The following PPM1L variants were observed in gnomAD, a reference collection of about 807,000 sequenced individuals.
PPM1L encodes the protein protein phosphatase, Mg2+/Mn2+ dependent 1L, also known as protein phosphatase 1L.
Under a neutral mutation model 31.4 loss-of-function variants are expected in PPM1L, and 13 were observed. That is an observed-to-expected ratio of 0.41 (90% CI 0.27 to 0.66). PPM1L has a LOEUF of 0.66. PPM1L is among the 30% of genes least tolerant of loss of function. PPM1L has a pLI of 0.29. For synonymous variants in PPM1L, 184 were observed against 175.4 expected (o/e 1.05, Z -0.39); for missense variants, 326 against 453.7 (o/e 0.72, Z 2.56).
At chr3:161,051,994 T>C (rs1444172874) in intron 2 of PPM1L, among the ~76,000 whole-genome samples, 1 of 152,178 alleles carries the variant, frequency 6.6e-6, no homozygotes, top group Non-Finnish European at 1.5e-5. Flanking sequence ...GTTATTGACC[T>C]GGCATCTGCG....
intron 2 of PPM1L, among the ~76,000 whole-genome samples, chr3:160,964,715 C>T (rs1716077851): frequency 6.6e-6 from 1 of 152,012 alleles, no homozygotes; most frequent in Non-Finnish European, 1.5e-5. Context: ...AACACCCGCT[C>T]TGAGCTCAGT....
Position 160,961,916 on chromosome 3 carries a change from T to C in PPM1L, c.574+6T>C. 1 of 1,541,606 alleles carries C rather than the reference T, an allele frequency of 6.5e-7. No homozygotes were observed. Among genetic ancestry groups the C allele is most frequent in the Non-Finnish European group, 8.7e-7 (1 of 1,150,910 alleles). ...TGTATCCTATGATGAAGCAGGTATG[T>C]TTGTTTTTAAAACACACATTTTTTT... On this transcript the variant is annotated splice_donor_region_variant and intron_variant, in intron 2 of 3. Transcript: ENST00000498165.
At position 160,961,785 on chromosome 3, in the gene PPM1L, A is replaced by G. The variant is rs1397736657; in HGVS notation, c.449A>G (p.His150Arg). The change falls in exon 2 of 4, where the codon CAT becomes CGT. Residue 150 changes from histidine (H) to arginine (R), a missense_variant. By Grantham distance (29) the His-to-Arg change is conservative. Around this residue, in one of 3 missense-constraint regions of PPM1L, gnomAD observed 201 missense variants for 298.2 expected, o/e 0.67. Transcript: ENST00000498165. ...KSRLPEALKQ[H>R]LQDYEKDKEN... ...CGACTCCCAGAGGCCCTTAAACAGCATCTTCAGGACTACGAGAAAGACAAA... is the reference window on the plus strand; with the variant it reads ...CGACTCCCAGAGGCCCTTAAACAGCGTCTTCAGGACTACGAGAAAGACAAA... 5 of 1,603,550 alleles carry G rather than the reference A, an allele frequency of 3.1e-6. No individual in the cohort carries two copies. Among genetic ancestry groups the G allele is most frequent in the Middle Eastern group, 1.7e-4 (1 of 6,044 alleles).
intron 2 of PPM1L, among the ~76,000 whole-genome samples, chr3:160,984,538 G>T (rs571469580): frequency 6.6e-6 from 1 of 152,252 alleles, no homozygotes; most frequent in Admixed American, 6.5e-5. Context: ...TGAAGATGAT[G>T]GGATTAAGAG....
chr3:161,034,044 A>T (rs1718661552), intron 2 of PPM1L, among the ~76,000 whole-genome samples: 2 of 152,130 alleles, frequency 1.3e-5, no homozygotes, highest in Admixed American at 6.5e-5. Context: ...ATACGAACAG[A>T]CACTTCTCAA....
intron 1 of PPM1L, among the ~76,000 whole-genome samples, chr3:160,903,192 T>TGTGTGTGTGTGTGTGG (rs773026226): frequency 8.4e-6 from 1 of 119,556 alleles, no homozygotes; most frequent in African/African-American, 3.4e-5. Flanking sequence ...TGTGTGTGTG[T>TGTGTGTGTGTGTGTGG]GGTATGTGTG....
intron 2 of PPM1L, among the ~76,000 whole-genome samples, chr3:160,991,436 A>C (rs1717131856): frequency 6.6e-6 from 1 of 152,178 alleles, no homozygotes; most frequent in Non-Finnish European, 1.5e-5. Context: ...TGAGTTAAGA[A>C]TCCCCAAGGA....
At chr3:160,921,699 TA>T (rs1214621789) in intron 1 of PPM1L, among the ~76,000 whole-genome samples, 1 of 152,158 alleles carries the variant, frequency 6.6e-6, no homozygotes, top group African/African-American at 2.4e-5. Flanking sequence ...ATGTTCCAAA[TA>T]TATAAAATGT....
In PPM1L at chr3:161,072,621, T is replaced by G. The variant is rs1167256664; in HGVS notation, c.*3464T>G. The G allele has an allele frequency of 6.6e-6, 1 of 152,240 alleles. No homozygotes were observed. The highest frequency in any genetic ancestry group is 2.4e-5 in the African/African-American group (1 of 41,464). The allele number at this position is 152,240 out of a possible 1,614,324, so 9.4% of individuals were successfully genotyped here. A position where few individuals can be genotyped will look rare whatever the true frequency, so the allele number is the denominator to read the frequency against. ...GTCCACTGTTTTCCTTTGCGTTTAATTTCCTTTGTGTTTAATTTGACCACA... is the reference window on the plus strand; with the variant it reads ...GTCCACTGTTTTCCTTTGCGTTTAAGTTCCTTTGTGTTTAATTTGACCACA... On this transcript the variant is annotated 3_prime_UTR_variant, in exon 4 of 4. Coordinates refer to ENST00000498165, the MANE Select transcript of PPM1L (RefSeq NM_139245.4).
chr3:160,944,230 G>A (rs1458602990), intron 1 of PPM1L, among the ~76,000 whole-genome samples: 2 of 151,940 alleles, frequency 1.3e-5, no homozygotes, highest in Admixed American at 6.6e-5. Flanking sequence ...CCAACCTACT[G>A]TGAATCTTAA....
chr3:160,852,063 G>A (rs557363867), intron 1 of PPM1L, among the ~76,000 whole-genome samples: 5 of 152,264 alleles, frequency 3.3e-5, no homozygotes, highest in East Asian at 3.9e-4. Flanking sequence ...TCTTCAGGGC[G>A]AATGAAGATT....
At chr3:161,068,769 A>G (rs1429320767) in intron 3 of PPM1L, 42 bp from the exon 4 acceptor site, 2 of 1,519,890 alleles carry the variant, frequency 1.3e-6, no homozygotes, top group Non-Finnish European at 9.0e-7. Flanking sequence ...GGTAAGTGAG[A>G]TATCAGCTGG....
rs575814350 is a variant in PPM1L at position 160,883,683 on chromosome 3, G to A, written c.400-78053G>A. 6.9e-4 allele frequency among the ~76,000 whole-genome samples: 105 copies of A among 152,072 alleles called. 1 individual carries two copies. Among genetic ancestry groups the A allele is most frequent in the Middle Eastern group, 3.4e-3 (1 of 294 alleles). On this transcript the variant is annotated intron_variant, in intron 1 of 3. Transcript: ENST00000498165. Reference sequence around the variant, plus strand: ...GGATGTGGCACAGGACATGGGGCGAGGGAGAAAGAAGTTAGGGGAAAGAGA... The same window carrying A: ...GGATGTGGCACAGGACATGGGGCGAAGGAGAAAGAAGTTAGGGGAAAGAGA...
chr3:160,897,516 G>A (rs994242609), intron 1 of PPM1L, among the ~76,000 whole-genome samples: 8 of 152,214 alleles, frequency 5.3e-5, no homozygotes, highest in Non-Finnish European at 1.0e-4. Context: ...ATAAATGAAT[G>A]TGGAATACCG....
chr3:160,795,760 G>A (rs961911578), intron 1 of PPM1L, among the ~76,000 whole-genome samples: 1 of 152,138 alleles, frequency 6.6e-6, no homozygotes, highest in Admixed American at 6.5e-5. Flanking sequence ...TGAGTAAATT[G>A]TCTTCAATCA....
At chr3:160,921,971 A>G (rs1000176682) in intron 1 of PPM1L, among the ~76,000 whole-genome samples, 1 of 152,212 alleles carries the variant, frequency 6.6e-6, no homozygotes, top group Non-Finnish European at 1.5e-5. Flanking sequence ...TTCTCAGTAT[A>G]CAAAGGTTAC....
intron 3 of PPM1L, among the ~76,000 whole-genome samples, chr3:161,067,321 T>C (rs1017800506): frequency 2.6e-5 from 4 of 152,238 alleles, no homozygotes; most frequent in African/African-American, 9.6e-5. Context: ...CTCTCTGTTC[T>C]TTTACATAAT....
Position 160,981,034 on chromosome 3 carries a change from A to G in PPM1L, c.574+19124A>G, listed in dbSNP as rs879340092. On this transcript the variant is annotated intron_variant, in intron 2 of 3. Coordinates refer to ENST00000498165, the MANE Select transcript of PPM1L (RefSeq NM_139245.4). ...ACTTCCTGTCCAGAGCATGACAGAA[A>G]CCAGCAAAATGCTGACTCCATAAGC... 2.6e-4 allele frequency among the ~76,000 whole-genome samples: 39 copies of G among 152,176 alleles called. 1 individual carries two copies. The highest frequency in any genetic ancestry group is 7.8e-4 in the Admixed American group (12 of 15,288).
At chr3:160,843,446 A>ATATATATATATATATATATATATC (rs1713966242) in intron 1 of PPM1L, among the ~76,000 whole-genome samples, 1 of 109,802 alleles carries the variant, frequency 9.1e-6, no homozygotes, top group East Asian at 2.7e-4. Context: ...ATATATATAT[A>ATATATATATATATATATATATATC]TATATATATA....
Sources: allele counts gnomAD v4.1 joint callset (sites outside exome capture counted in the v4.1 genomes callset), GRCh38; gene constraint gnomAD v4.1.1; regional missense constraint gnomAD v4.1.1; transcripts MANE v1.5; gene names NCBI Gene and HGNC (gene_info 2026-07-23, HGNC 2026-07-21).